MTA3: variants seen among roughly 807,000 people sequenced by gnomAD.
MTA3 encodes metastasis-associated protein MTA3.
A neutral mutation model predicts 83.5 loss-of-function variants in MTA3; 34 were observed. That is an observed-to-expected ratio of 0.41 (90% CI 0.31 to 0.54). The LOEUF (loss-of-function observed/expected upper bound fraction) is 0.54, where lower values mean the gene tolerates loss of function less well. Among genes scored for constraint, MTA3 ranks in the 20% least tolerant of loss-of-function variants. The pLI, the probability that MTA3 is intolerant of heterozygous loss-of-function variation, is 0.33. For synonymous variants in MTA3, 303 were observed against 252.7 expected (o/e 1.20, Z -1.89); for missense variants, 761 against 726.4 (o/e 1.05, Z -0.55).
At chr2:42,628,098 G>A (rs1686298411) in intron 4 of MTA3, among the ~76,000 whole-genome samples, 1 of 151,908 alleles carries the variant, frequency 6.6e-6, no homozygotes, top group African/African-American at 2.4e-5. Flanking sequence ...TGGCCAGGCT[G>A]GTCTTGAACG....
chr2:42,723,995 A>T (rs1667620525), intron 16 of MTA3, among the ~76,000 whole-genome samples: 1 of 152,204 alleles, frequency 6.6e-6, no homozygotes, highest in African/African-American at 2.4e-5. Context: ...CAATGTGTTA[A>T]GATATGGTTG....
intron 3 of MTA3, among the ~76,000 whole-genome samples, chr2:42,605,928 C>CT (rs1683281311): frequency 1.6e-5 from 1 of 61,478 alleles, no homozygotes; most frequent in Non-Finnish European, 3.2e-5. Flanking sequence ...GGCAGAGGCG[C>CT]CCCTCACCTC....
chr2:42,729,064 T>G (rs1191859159), intron 16 of MTA3, among the ~76,000 whole-genome samples: 1 of 151,344 alleles, frequency 6.6e-6, no homozygotes, highest in Admixed American at 6.6e-5. Context: ...CAGTGTTTTC[T>G]TTTATTAGTT....
Position 42,554,028 on chromosome 2 carries a change from G to A in MTA3, c.-140-16409G>A, listed in dbSNP as rs187262751. Among the ~76,000 whole-genome samples the A allele has an allele frequency of 1.8e-3, 270 of 151,992 alleles. 5 individuals carry two copies. Among genetic ancestry groups the A allele is most frequent in the African/African-American group, 6.2e-3 (259 of 41,474 alleles). On this transcript the variant is annotated intron_variant, in intron 2 of 17. Transcript: ENST00000405592. ...GCGGGTGGATCACCTGAGGTCAGGAGTTTGAGACCAGCCTGACCAACATGG... is the reference window on the plus strand; with the variant it reads ...GCGGGTGGATCACCTGAGGTCAGGAATTTGAGACCAGCCTGACCAACATGG...
intron 2 of MTA3, among the ~76,000 whole-genome samples, chr2:42,515,730 C>T (rs141489250): frequency 0.018 from 2,690 of 151,708 alleles, 63 homozygotes; most frequent in African/African-American, 0.061. Context: ...CTCGAACTCC[C>T]GACCTCGTGA....
intron 2 of MTA3, among the ~76,000 whole-genome samples, chr2:42,552,623 CAAAAAAA>C (rs536783114): frequency 2.3e-5 from 2 of 88,408 alleles, no homozygotes; most frequent in Non-Finnish European, 2.4e-5. Flanking sequence ...ACTCCTTGTC[CAAAAAAA>C]AAAAAAAAAG....
chr2:42,634,109 G>T (rs1453564896), intron 4 of MTA3, among the ~76,000 whole-genome samples: 1 of 152,104 alleles, frequency 6.6e-6, no homozygotes, highest in Non-Finnish European at 1.5e-5. Flanking sequence ...CAGGGATGCT[G>T]CTCAACATCC....
chr2:42,608,291 A>G (rs566836882), intron 3 of MTA3, among the ~76,000 whole-genome samples: 4 of 152,352 alleles, frequency 2.6e-5, no homozygotes, highest in South Asian at 2.1e-4. Flanking sequence ...AATAGTGCCA[A>G]TGCAGCAGCA....
At chr2:42,567,199 C>T (rs754921917), upstream of MTA3, among the ~76,000 whole-genome samples, 16 of 152,196 alleles carry the variant, frequency 1.1e-4, no homozygotes, top group African/African-American at 2.4e-4. Context: ...CCCTGGTTTA[C>T]AAAGCATTTT....
intron 14 of MTA3, among the ~76,000 whole-genome samples, chr2:42,715,774 A>G (rs1006714303): frequency 2.6e-5 from 4 of 152,144 alleles, no homozygotes; most frequent in African/African-American, 9.7e-5. Flanking sequence ...ATGTCTATCA[A>G]TTGCTGCCAT....
chr2:42,708,751 G>A lies in MTA3; in HGVS notation c.1303-123G>A, dbSNP rs2104508215. ...CTCTCTTTTAGAGGTAGTGCACCAA[G>A]TGACGTTATAGATGCTTCATGAAAG... On this transcript the variant is annotated intron_variant, in intron 13 of 16. Transcript: ENST00000405094. 4.0e-6 allele frequency: 4 copies of A among 993,548 alleles called. No homozygotes were observed. The East Asian group carries it at 9.5e-5, about 24-fold the overall frequency. The allele number at this position is 993,548 out of a possible 1,614,324, so 61.5% of individuals were successfully genotyped here.
chr2:42,748,788 G>A (rs1313675013), intron 16 of MTA3, among the ~76,000 whole-genome samples: 1 of 152,186 alleles, frequency 6.6e-6, no homozygotes, highest in Non-Finnish European at 1.5e-5. Flanking sequence ...TGAATGATGA[G>A]TTATAAAGAC....
At chr2:42,704,021 ATGAGTAG>A in intron 11 of MTA3, 166 bp from the exon 12 acceptor site, 1 of 648,854 alleles carries the variant, frequency 1.5e-6, no homozygotes, top group Non-Finnish European at 2.6e-6. Context: ...TTTTATAAAG[ATGAGTAG>A]TGTGAGTTCA....
chr2:42,602,063 A>T (rs1272364618), intron 3 of MTA3, among the ~76,000 whole-genome samples: 2 of 152,096 alleles, frequency 1.3e-5, no homozygotes, highest in Non-Finnish European at 2.9e-5. Flanking sequence ...CTGGTCTCGA[A>T]CTCCTGACCT....
At chr2:42,635,629 C>CA (rs200095020) in intron 4 of MTA3, among the ~76,000 whole-genome samples, 2,553 of 143,574 alleles carry the variant, frequency 0.018, 63 homozygotes, top group South Asian at 0.094. Flanking sequence ...GACTCTATCT[C>CA]AAAAAAAAAA....
At chr2:42,583,444 G>A (rs1253559004) in intron 3 of MTA3, among the ~76,000 whole-genome samples, 2 of 152,164 alleles carry the variant, frequency 1.3e-5, no homozygotes, top group African/African-American at 4.8e-5. Context: ...AGTGTTATTA[G>A]AATGAGTTCA....
chr2:42,716,384 A>G (rs1667033003), intron 14 of MTA3, among the ~76,000 whole-genome samples: 1 of 152,134 alleles, frequency 6.6e-6, no homozygotes, highest in Admixed American at 6.6e-5. Flanking sequence ...TATATAGGTA[A>G]ACTTGTGTCA....
intron 4 of MTA3, among the ~76,000 whole-genome samples, chr2:42,638,122 A>G (rs1426369832): frequency 6.6e-6 from 1 of 152,218 alleles, no homozygotes; most frequent in Admixed American, 6.5e-5. Context: ...CTGACTTTAG[A>G]GAACTTATTT....
chr2:42,534,213 T>C (rs1396371832), intron 2 of MTA3, among the ~76,000 whole-genome samples: 1 of 152,172 alleles, frequency 6.6e-6, no homozygotes, highest in African/African-American at 2.4e-5. Context: ...GAATCTTCAC[T>C]ACAGCCTGCC....
Sources: allele counts gnomAD v4.1 joint callset (sites outside exome capture counted in the v4.1 genomes callset), GRCh38; gene constraint gnomAD v4.1.1; transcripts MANE v1.5; gene names NCBI Gene and HGNC (gene_info 2026-07-23, HGNC 2026-07-21).